RAB3GAP1: variants seen among roughly 807,000 people sequenced by gnomAD.
The protein encoded by RAB3GAP1 is RAB3 GTPase activating protein catalytic subunit 1.
RAB3GAP1 carries 86 observed loss-of-function variants against 130.7 expected under a neutral mutation model. The ratio of observed to expected loss-of-function variants is 0.66; its 90% CI spans 0.55 to 0.79. The LOEUF (loss-of-function observed/expected upper bound fraction) is 0.79, where lower values mean the gene tolerates loss of function less well. Ranked by LOEUF, RAB3GAP1 falls within the 30% of genes least tolerant of loss-of-function variation. The pLI is 0.00. For missense variants in RAB3GAP1, 1,029 were observed against 1,169.4 expected (o/e 0.88, Z 1.75); for synonymous variants, 367 against 401.7 (o/e 0.91, Z 1.03).
chr2:135,063,683 A>G lies in RAB3GAP1; in HGVS notation c.150+5597A>G, dbSNP rs575754012. Among the ~76,000 whole-genome samples the G allele has an allele frequency of 7.2e-5, 11 of 152,240 alleles. No individual in the cohort carries two copies. The East Asian group carries it at 2.1e-3, about 29-fold the overall frequency. On this transcript the variant is annotated intron_variant, in intron 3 of 23. Coordinates refer to ENST00000264158, the MANE Select transcript of RAB3GAP1 (RefSeq NM_012233.3). ...TTCGTTTTTAATGCTGAATATTAAT[A>G]TTGTATGTATATATCACATTTTGTT...
intron 5 of RAB3GAP1, among the ~76,000 whole-genome samples, chr2:135,098,987 T>A (rs559842635): frequency 6.6e-6 from 1 of 152,330 alleles, no homozygotes; most frequent in East Asian, 1.9e-4. Flanking sequence ...TAGTATTATT[T>A]CTTTTCTAAT....
intron 15 of RAB3GAP1, 50 bp downstream of exon 15, chr2:135,134,083 G>A: frequency 6.2e-7 from 1 of 1,603,958 alleles, no homozygotes; most frequent in African/African-American, 1.3e-5. Flanking sequence ...TTTGTTAGCA[G>A]ACATTTGACT....
At chr2:135,150,815 T>G (rs1692151537) in intron 18 of RAB3GAP1, among the ~76,000 whole-genome samples, 1 of 152,034 alleles carries the variant, frequency 6.6e-6, no homozygotes, top group Non-Finnish European at 1.5e-5. Context: ...TTTAGGAAAC[T>G]TAGGATTTAA....
chr2:135,077,891 T>C (rs897513951), intron 3 of RAB3GAP1, among the ~76,000 whole-genome samples: 2 of 152,220 alleles, frequency 1.3e-5, no homozygotes, highest in Admixed American at 6.5e-5. Context: ...ATTTTTACAA[T>C]TGGGTTATTT....
intron 4 of RAB3GAP1, 146 bp from the exon 5 acceptor site, chr2:135,093,466 CCTG>C (rs1373841407): frequency 3.1e-6 from 2 of 644,562 alleles, no homozygotes; most frequent in Non-Finnish European, 5.6e-6. Flanking sequence ...AATCCCTCTC[CCTG>C]TACTCAAGAG....
chr2:135,065,493 CAG>C (rs1471722082), intron 3 of RAB3GAP1, among the ~76,000 whole-genome samples: 1 of 152,142 alleles, frequency 6.6e-6, no homozygotes, highest in Non-Finnish European at 1.5e-5. Context: ...AAAGGTAGAA[CAG>C]GGTTACTCTT....
intron 17 of RAB3GAP1, among the ~76,000 whole-genome samples, chr2:135,141,012 C>A (rs1691822571): frequency 6.6e-6 from 1 of 151,952 alleles, no homozygotes; most frequent in Non-Finnish European, 1.5e-5. Flanking sequence ...GAGGTAGGAT[C>A]TTGTGGTTTT....
chr2:135,120,490 G>C (rs530158649), intron 7 of RAB3GAP1, among the ~76,000 whole-genome samples: 17 of 152,320 alleles, frequency 1.1e-4, no homozygotes, highest in African/African-American at 3.1e-4. Context: ...TGCCACTGCT[G>C]TTCCTTACTA....
downstream of RAB3GAP1, among the ~76,000 whole-genome samples, chr2:135,172,330 G>T (rs1692877317): frequency 6.6e-6 from 1 of 151,860 alleles, no homozygotes; most frequent in Non-Finnish European, 1.5e-5. Flanking sequence ...AGCTACTCTG[G>T]AGGCTAAGGC....
chr2:135,159,381 C>T (rs72980312), intron 19 of RAB3GAP1, among the ~76,000 whole-genome samples: 6,598 of 152,264 alleles, frequency 0.043, 484 homozygotes, highest in African/African-American at 0.15. Flanking sequence ...GCCATACTGG[C>T]GGTATGTACT....
chr2:135,168,939 C>A lies in RAB3GAP1; in HGVS notation c.*158C>A. The A allele has an allele frequency of 1.6e-6, 1 of 631,434 alleles. No homozygotes were observed. The highest frequency in any genetic ancestry group is 2.9e-6 in the Non-Finnish European group (1 of 348,474). The allele number at this position is 631,434 out of a possible 1,614,324, so 39.1% of individuals were successfully genotyped here. On this transcript the variant is annotated 3_prime_UTR_variant, in exon 24 of 24. Coordinates refer to ENST00000264158, the MANE Select transcript of RAB3GAP1 (RefSeq NM_012233.3). Reference sequence around the variant, plus strand: ...ATCGGAAAGACTTCCCAGCACCAAGCTTGAGCTGTGTCGTTTCGTGGAGGG... The same window carrying A: ...ATCGGAAAGACTTCCCAGCACCAAGATTGAGCTGTGTCGTTTCGTGGAGGG...
chr2:135,087,933 G>A (rs1304214538), intron 3 of RAB3GAP1, among the ~76,000 whole-genome samples: 2 of 152,100 alleles, frequency 1.3e-5, no homozygotes, highest in Admixed American at 6.5e-5. Context: ...ATTTCGGTTC[G>A]CATAGCAGAT....
At chr2:135,126,725 A>G (rs565732412) in intron 11 of RAB3GAP1, 69 bp downstream of exon 11, 11 of 1,303,946 alleles carry the variant, frequency 8.4e-6, no homozygotes, top group South Asian at 4.7e-5. Context: ...GAGACACTGC[A>G]TACATTCTTT....
At chr2:135,098,554 A>T (rs1331770666) in intron 5 of RAB3GAP1, among the ~76,000 whole-genome samples, 2 of 152,126 alleles carry the variant, frequency 1.3e-5, no homozygotes, top group East Asian at 3.8e-4. Context: ...TCAAAATCTG[A>T]GGGTGAAAGC....
chr2:135,129,003 T>G (rs1691437837), intron 11 of RAB3GAP1, among the ~76,000 whole-genome samples: 1 of 151,994 alleles, frequency 6.6e-6, no homozygotes, highest in Non-Finnish European at 1.5e-5. Flanking sequence ...ATACAAAAAT[T>G]AGCTGGGCAT....
rs1435182590 is a variant in RAB3GAP1, at chr2:135,132,980, A to C, written c.1322A>C (p.Asp441Ala). The C allele has an allele frequency of 6.5e-7, 1 of 1,532,946 alleles. No individual in the cohort carries two copies. Among genetic ancestry groups the C allele is most frequent in the African/African-American group, 1.4e-5 (1 of 73,050 alleles). The allele number at this position is 1,532,946 out of a possible 1,614,324, so 95.0% of individuals were successfully genotyped here. Residue 441 changes from aspartate (D) to alanine (A), a missense_variant, in exon 14 of 24, where the codon GAC (aspartate) becomes GCC (alanine). Asp to Ala is a moderately radical substitution (Grantham distance 126). Transcript: ENST00000264158. ...AATAATCCTCCATCAGAGAGTGAAG[A>C]CTATGTAAGTTGATGTGGAGTTCAA... The part of the protein sequence containing the change: ...DNNNPPSESE[D>A]YNLYNQFKSA...
chr2:135,130,085 A>G lies in RAB3GAP1; in HGVS notation c.1064A>G (p.Lys355Arg). Residue 355 changes from lysine to arginine, a missense_variant and splice_region_variant, in exon 12 of 24, where the codon AAA (lysine) becomes AGA (arginine). Lys to Arg is a conservative substitution (Grantham distance 26). Around this residue, in one of 3 missense-constraint regions of RAB3GAP1, gnomAD observed 510 missense variants for 532.1 expected, o/e 0.96. Coordinates refer to ENST00000264158, the MANE Select transcript of RAB3GAP1 (RefSeq NM_012233.3). ...LGRSAFEEEGKETADITHALS... is the reference protein window; with the variant it reads ...LGRSAFEEEGRETADITHALS... Reference sequence around the variant, plus strand: ...CGATCTGCATTTGAGGAAGAAGGCAAAGGTAACCTACATTTTTTTTTAACA... The same window carrying G: ...CGATCTGCATTTGAGGAAGAAGGCAGAGGTAACCTACATTTTTTTTTAACA... The G allele has an allele frequency of 6.2e-7, 1 of 1,608,726 alleles. No individual in the cohort carries two copies. The highest frequency in any genetic ancestry group is 1.1e-5 in the South Asian group (1 of 90,806).
chr2:135,131,504 A>C (rs2104944846), intron 13 of RAB3GAP1, among the ~76,000 whole-genome samples: 1 of 152,292 alleles, frequency 6.6e-6, no homozygotes, highest in East Asian at 1.9e-4. Flanking sequence ...TGCTGGGATT[A>C]CAGGCGTGAG....
chr2:135,080,473 A>C (rs1172627531), intron 3 of RAB3GAP1, among the ~76,000 whole-genome samples: 1 of 152,174 alleles, frequency 6.6e-6, no homozygotes, highest in East Asian at 1.9e-4. Flanking sequence ...AGAAAGGAGT[A>C]TAGATTTTGA....
Sources: allele counts gnomAD v4.1 joint callset (sites outside exome capture counted in the v4.1 genomes callset), GRCh38; gene constraint gnomAD v4.1.1; regional missense constraint gnomAD v4.1.1; transcripts MANE v1.5; gene names NCBI Gene and HGNC (gene_info 2026-07-23, HGNC 2026-07-21).